The following TANC2 variants were observed in gnomAD, a reference collection of about 807,000 sequenced individuals.
The protein encoded by TANC2 is tetratricopeptide repeat, ankyrin repeat and coiled-coil containing 2.
In TANC2, 26 loss-of-function variants were observed where a neutral mutation model predicts 210.5. The ratio of observed to expected loss-of-function variants is 0.12; its 90% confidence interval spans 0.09 to 0.17. The LOEUF is 0.17. Ranked by LOEUF, TANC2 falls within the 10% of genes least tolerant of loss-of-function variation. TANC2 has a pLI of 1.00. For synonymous variants in TANC2, 931 were observed against 967.1 expected (o/e 0.96, Z 0.69); for missense variants, 2,129 against 2,608.9 (o/e 0.82, Z 4.01).
rs549694912 is a variant in TANC2 at position 63,157,059 on chromosome 17, T to G, written c.433+5679T>G. Among the ~76,000 whole-genome samples the G allele has an allele frequency of 2.0e-5, 3 of 152,300 alleles. No homozygotes were observed. The East Asian group carries it at 5.8e-4, about 29-fold the overall frequency. On this transcript the variant is annotated intron_variant, in intron 5 of 27. Transcript: ENST00000689528. The stretch of plus-strand genomic sequence containing the variant: ...TTTTTCATTGTTTGTGATGTGAGTT[T>G]TAATCTTCTGTAGCTAATGAAATTT...
At position 63,421,289 on chromosome 17, in the gene TANC2, C is replaced by G; in HGVS notation, c.5559C>G (p.Pro1853=). 1 of 1,614,066 alleles carries G rather than the reference C, an allele frequency of 6.2e-7. No individual in the cohort carries two copies. The highest frequency in any genetic ancestry group is 8.5e-7 in the Non-Finnish European group (1 of 1,179,908). The change falls in exon 28 of 28, where the codon CCC becomes CCG. Residue 1853 remains proline (P), a synonymous_variant. Transcript: ENST00000689528. This position sits in a 1 kb window ranked among gnomAD's most constrained non-coding sequence, Gnocchi z 6.9. ...AAATCAAACCGCACCCGCCAACTCC[C>G]AGGCCGTTGCTGCATTCCCAAAGTG...
Position 63,267,736 on chromosome 17 carries a change from C to A in TANC2, c.1034-12C>A, listed in dbSNP as rs961606512. 3.1e-6 allele frequency: 5 copies of A among 1,609,900 alleles called. No homozygotes were observed. Among genetic ancestry groups the A allele is most frequent in the Admixed American group, 1.7e-5 (1 of 59,334 alleles). Reference sequence around the variant, plus strand: ...ACTTAAATATTCTAACTAAACTTTTCTTTCTTGTCAGCCACCAGCTCTGCC... The same window carrying A: ...ACTTAAATATTCTAACTAAACTTTTATTTCTTGTCAGCCACCAGCTCTGCC... On this transcript the variant is annotated splice_polypyrimidine_tract_variant and intron_variant, in intron 8 of 27. Coordinates refer to ENST00000689528, the Ensembl canonical transcript of TANC2.
At chr17:63,323,084 C>T (rs1363258747) in intron 11 of TANC2, among the ~76,000 whole-genome samples, 3 of 152,148 alleles carry the variant, frequency 2.0e-5, no homozygotes, top group East Asian at 1.9e-4. Context: ...GTTCTGTAGA[C>T]GCATAGAGCA....
chr17:63,065,382 A>T (rs1404378032), intron 2 of TANC2, among the ~76,000 whole-genome samples: 1 of 152,192 alleles, frequency 6.6e-6, no homozygotes, highest in Admixed American at 6.5e-5. Flanking sequence ...GAGAGTGCAG[A>T]TATCTTTTTG....
At chr17:63,283,632 C>T (rs1402157561) in intron 9 of TANC2, among the ~76,000 whole-genome samples, 1 of 151,950 alleles carries the variant, frequency 6.6e-6, no homozygotes, top group Non-Finnish European at 1.5e-5. Flanking sequence ...TAGTATATCT[C>T]TGCAGTCATG....
intron 2 of TANC2, among the ~76,000 whole-genome samples, chr17:63,063,449 A>C (rs2036067839): frequency 6.6e-6 from 1 of 152,046 alleles, no homozygotes; most frequent in Non-Finnish European, 1.5e-5. Context: ...ACCAAGAATT[A>C]ACTCATTAGA....
chr17:63,015,394 C>T (rs1051946063), intron 2 of TANC2, among the ~76,000 whole-genome samples: 5 of 151,976 alleles, frequency 3.3e-5, no homozygotes, highest in South Asian at 4.1e-4. Context: ...TGTATGCACG[C>T]GCCATGTTGC....
intron 7 of TANC2, among the ~76,000 whole-genome samples, chr17:63,222,668 C>T (rs2042225039): frequency 6.6e-6 from 1 of 151,974 alleles, no homozygotes; most frequent in South Asian, 2.1e-4. Flanking sequence ...CATTTTTTTA[C>T]TTAAAGTATG....
At position 63,421,607 on chromosome 17, in the gene TANC2, C is replaced by T. The variant is rs756529489; in HGVS notation, c.5877C>T (p.Thr1959=). 20 of 1,613,974 alleles carry T rather than the reference C, an allele frequency of 1.2e-5. No individual in the cohort carries two copies. The highest frequency in any genetic ancestry group is 1.6e-4 in the Middle Eastern group (1 of 6,062). The stretch of plus-strand genomic sequence containing the variant: ...CCTGGGCAGTGTCATCTGTGGACAC[C>T]GTCCTCAGTCCCACGTCTCCAGGCA... Residue 1959 remains threonine (T), a synonymous_variant, in exon 28 of 28, where the codon ACC becomes ACT. Transcript: ENST00000689528. This position sits in a 1 kb window ranked among gnomAD's most constrained non-coding sequence, Gnocchi z 6.9.
rs79146885 is a variant in TANC2 at position 63,127,229 on chromosome 17, G to A, written c.323-24041G>A. ...TCTGGGGATAAATCATTGCTTTAATGAACCATTTTTGTAGATATATTAATG... is the reference window on the plus strand; with the variant it reads ...TCTGGGGATAAATCATTGCTTTAATAAACCATTTTTGTAGATATATTAATG... On this transcript the variant is annotated intron_variant, in intron 4 of 27. Coordinates refer to ENST00000689528, the Ensembl canonical transcript of TANC2. Among the ~76,000 whole-genome samples, 884 of 152,186 alleles carry A rather than the reference G, an allele frequency of 5.8e-3. 4 individuals are homozygous for A. The highest frequency in any genetic ancestry group is 7.4e-3 in the Non-Finnish European group (506 of 68,004).
chr17:63,201,012 A>T, intron 7 of TANC2, 55 bp downstream of exon 7: 4 of 1,487,198 alleles, frequency 2.7e-6, no homozygotes, highest in Non-Finnish European at 3.6e-6. Flanking sequence ...TTTTAAAATA[A>T]TTACACAAGC....
intron 1 of TANC2, among the ~76,000 whole-genome samples, chr17:63,001,834 C>A (rs2033402414): frequency 6.6e-6 from 1 of 152,148 alleles, no homozygotes; most frequent in African/African-American, 2.4e-5. Flanking sequence ...AGGTATAAGC[C>A]ACTGCGCCTG....
At chr17:63,101,193 C>G (rs895600621) in intron 4 of TANC2, among the ~76,000 whole-genome samples, 1 of 152,278 alleles carries the variant, frequency 6.6e-6, no homozygotes, top group East Asian at 1.9e-4. Context: ...TTAACCTAAT[C>G]ATCAGTTACC....
chr17:63,058,570 C>G (rs1051660221), intron 2 of TANC2, among the ~76,000 whole-genome samples: 2 of 152,134 alleles, frequency 1.3e-5, no homozygotes, highest in African/African-American at 4.8e-5. Flanking sequence ...ACATTTGAGT[C>G]TTTACTCAAT....
Position 62,979,322 on chromosome 17 carries a change from T to C in TANC2, c.-24+12573T>C, listed in dbSNP as rs376135514. Among the ~76,000 whole-genome samples, 4 of 152,282 alleles carry C rather than the reference T, an allele frequency of 2.6e-5. No individual in the cohort carries two copies. In the South Asian group the frequency reaches 6.2e-4, roughly 24 times the overall value. On this transcript the variant is annotated intron_variant, in intron 1 of 27. Coordinates refer to ENST00000689528, the Ensembl canonical transcript of TANC2. ...ACCCCAGTTTTTTCTCTTTTTTTGG[T>C]CTTATTCTTTAAAGTAAAGATCTTT... is the stretch of plus-strand genomic sequence containing the variant.
At chr17:63,332,260 A>AC in intron 11 of TANC2, 3 of 328,626 alleles carry the variant, frequency 9.1e-6, no homozygotes, top group Non-Finnish European at 1.8e-5. Flanking sequence ...TTTTGGTTTT[A>AC]TTTGACCCCT....
chr17:63,077,728 A>G (rs1185397571), intron 3 of TANC2, among the ~76,000 whole-genome samples: 1 of 152,218 alleles, frequency 6.6e-6, no homozygotes, highest in African/African-American at 2.4e-5. Flanking sequence ...AGCAGAATCC[A>G]GAGTAGTTGA....
intron 2 of TANC2, among the ~76,000 whole-genome samples, chr17:63,063,778 G>A (rs999440505): frequency 7.2e-5 from 11 of 151,728 alleles, no homozygotes; most frequent in Admixed American, 6.6e-4. Context: ...TTTACTCTCT[G>A]TTATTGTTCT....
intron 4 of TANC2, among the ~76,000 whole-genome samples, chr17:63,117,977 T>A (rs576068174): frequency 6.6e-6 from 1 of 152,332 alleles, no homozygotes; most frequent in South Asian, 2.1e-4. Flanking sequence ...CCTTTTGAAA[T>A]GGTTTTATAT....
Sources: allele counts gnomAD v4.1 joint callset (sites outside exome capture counted in the v4.1 genomes callset), GRCh38; gene constraint gnomAD v4.1.1; non-coding constraint Gnocchi (gnomAD v3.1); transcripts MANE v1.5; gene names NCBI Gene and HGNC (gene_info 2026-07-23, HGNC 2026-07-21).